The following FBXW11 variants were observed in gnomAD, a reference collection of about 807,000 sequenced individuals.
FBXW11 encodes the protein F-box/WD repeat-containing protein 11.
FBXW11 carries 19 observed loss-of-function variants against 77.6 expected under a neutral mutation model. The ratio of observed to expected loss-of-function variants is 0.24; its 90% CI spans 0.17 to 0.36. FBXW11 has a LOEUF of 0.36. Among genes scored for constraint, FBXW11 ranks in the 10% least tolerant of loss-of-function variants. The pLI, the probability that FBXW11 is intolerant of heterozygous loss-of-function variation, is 1.00. For missense variants in FBXW11, 334 were observed against 704.2 expected (o/e 0.47, Z 5.95); for synonymous variants, 235 against 249.4 (o/e 0.94, Z 0.54).
At chr5:171,937,644 T>G (rs1762543763) in intron 2 of FBXW11, among the ~76,000 whole-genome samples, 1 of 151,892 alleles carries the variant, frequency 6.6e-6, no homozygotes, top group East Asian at 1.9e-4. Flanking sequence ...CTGATCAACA[T>G]GGTGAAACCC....
chr5:171,888,237 T>C (rs1267231817), intron 7 of FBXW11, among the ~76,000 whole-genome samples: 5 of 152,154 alleles, frequency 3.3e-5, no homozygotes, highest in African/African-American at 1.2e-4. Context: ...AAAGTGTCCT[T>C]ATGGGCTGAA....
At position 171,876,572 on chromosome 5, in the gene FBXW11, A is replaced by C. The variant is rs937377142; in HGVS notation, c.972-38T>G. ...AGAAAAGCATGATGCTTAATTATGG[A>C]GACAGCCAGGAAATGATTCTGGTAT... On this transcript the variant is annotated intron_variant, in intron 8 of 13. Coordinates refer to ENST00000517395, the MANE Select transcript of FBXW11 (RefSeq NM_001378974.1). The surrounding 1 kb of genome is among the most constrained non-coding windows in gnomAD (Gnocchi z 4.2). 1.2e-6 allele frequency: 2 copies of C among 1,602,144 alleles called. No individual in the cohort carries two copies. The highest frequency in any genetic ancestry group is 2.7e-5 in the African/African-American group (2 of 74,702).
intron 13 of FBXW11, among the ~76,000 whole-genome samples, chr5:171,867,571 C>T (rs1161666795): frequency 1.3e-5 from 2 of 150,994 alleles, no homozygotes; most frequent in East Asian, 1.9e-4. Context: ...GACAAACTTC[C>T]TGGTGGAGTT....
At chr5:171,999,234 G>C (rs1432651200) in intron 1 of FBXW11, among the ~76,000 whole-genome samples, 1 of 152,058 alleles carries the variant, frequency 6.6e-6, no homozygotes, top group Non-Finnish European at 1.5e-5. Context: ...TGCTAAAACA[G>C]TATACTATGC....
chr5:171,888,329 T>C (rs1254278557), intron 7 of FBXW11, among the ~76,000 whole-genome samples: 1 of 152,210 alleles, frequency 6.6e-6, no homozygotes, highest in African/African-American at 2.4e-5. Context: ...CCTTGAGCTG[T>C]ATATGCGCAG....
At chr5:171,997,240 T>C (rs991327330) in intron 1 of FBXW11, among the ~76,000 whole-genome samples, 2 of 152,174 alleles carry the variant, frequency 1.3e-5, no homozygotes, top group African/African-American at 4.8e-5. Context: ...GTTGAAAGGA[T>C]ACAAAACTCG....
At chr5:171,879,277 G>A (rs1220044410) in intron 7 of FBXW11, among the ~76,000 whole-genome samples, 3 of 152,170 alleles carry the variant, frequency 2.0e-5, no homozygotes, top group South Asian at 2.1e-4. Context: ...GTCTTTTCAT[G>A]GCTTGATATA....
Position 171,954,465 on chromosome 5 carries a change from T to C in FBXW11, c.147+3132A>G, listed in dbSNP as rs542276711. On this transcript the variant is annotated intron_variant, in intron 2 of 13. Transcript: ENST00000517395. Reference sequence around the variant, plus strand: ...AACGTGGAAAATAAATGATACATACTATTATTAACATTGGTATGATTCTCA... The same window carrying C: ...AACGTGGAAAATAAATGATACATACCATTATTAACATTGGTATGATTCTCA... 6.6e-5 allele frequency among the ~76,000 whole-genome samples: 10 copies of C among 152,316 alleles called. No homozygotes were observed. In the South Asian group the frequency reaches 1.9e-3, roughly 28 times the overall value.
intron 1 of FBXW11, among the ~76,000 whole-genome samples, chr5:171,982,670 T>C (rs1765213172): frequency 6.6e-6 from 1 of 152,216 alleles, no homozygotes; most frequent in African/African-American, 2.4e-5. Context: ...AGTTTAGCAG[T>C]GTGGTGTTAT....
chr5:171,894,682 C>T (rs1477746331), intron 6 of FBXW11, among the ~76,000 whole-genome samples: 1 of 121,910 alleles, frequency 8.2e-6, no homozygotes, highest in Non-Finnish European at 1.7e-5. Context: ...TGCTTATAAC[C>T]CAGGTCTTTT....
At chr5:171,928,590 G>A (rs1257373056) in intron 2 of FBXW11, among the ~76,000 whole-genome samples, 1 of 152,098 alleles carries the variant, frequency 6.6e-6, no homozygotes, top group African/African-American at 2.4e-5. Flanking sequence ...GATTGTAATC[G>A]GTGCATTTCA....
chr5:171,990,363 G>GTA (rs1561754653), intron 1 of FBXW11, among the ~76,000 whole-genome samples: 1 of 152,148 alleles, frequency 6.6e-6, no homozygotes, highest in African/African-American at 2.4e-5. Flanking sequence ...GTAATACCAT[G>GTA]AGACTGTCAG....
At chr5:171,981,862 A>G (rs1765164477) in intron 1 of FBXW11, among the ~76,000 whole-genome samples, 3 of 152,274 alleles carry the variant, frequency 2.0e-5, no homozygotes, top group African/African-American at 7.2e-5. Context: ...AGCAATAAAA[A>G]GGAATGAACT....
At chr5:171,974,754 T>C (rs1015276241) in intron 1 of FBXW11, among the ~76,000 whole-genome samples, 3 of 152,194 alleles carry the variant, frequency 2.0e-5, no homozygotes, top group South Asian at 2.1e-4. Context: ...AGAGATATCA[T>C]TGTCAAAAAA....
At chr5:171,924,802 G>C (rs887753474) in intron 2 of FBXW11, among the ~76,000 whole-genome samples, 1 of 143,672 alleles carries the variant, frequency 7.0e-6, no homozygotes, top group Admixed American at 7.3e-5. Flanking sequence ...GCTGCAGAGA[G>C]GAGAGAAGAG....
At chr5:171,995,230 T>G (rs1318844217) in intron 1 of FBXW11, among the ~76,000 whole-genome samples, 1 of 152,224 alleles carries the variant, frequency 6.6e-6, no homozygotes, top group Non-Finnish European at 1.5e-5. Context: ...AATGAACTAC[T>G]GAGCTATTTA....
intron 1 of FBXW11, among the ~76,000 whole-genome samples, chr5:172,001,610 A>G (rs2113617288): frequency 6.6e-6 from 1 of 152,350 alleles, no homozygotes; most frequent in South Asian, 2.1e-4. Flanking sequence ...GAAATATGTT[A>G]AGTGCTACAG....
chr5:171,891,610 GA>G lies in FBXW11; in HGVS notation c.715-7del. On this transcript the variant is annotated splice_polypyrimidine_tract_variant and splice_region_variant and intron_variant, in intron 6 of 13. Coordinates refer to ENST00000517395, the MANE Select transcript of FBXW11 (RefSeq NM_001378974.1). ...CGCCAGTTAGATTCTATAGTCTAGG[GA>G]AAAAAGGAGGCAAGAGATGAGTTTT... 3.1e-6 allele frequency: 5 copies of G among 1,598,268 alleles called. No individual in the cohort carries two copies. Among genetic ancestry groups the G allele is most frequent in the East Asian group, 2.2e-5 (1 of 44,630 alleles).
At chr5:171,878,480 G>GA (rs1437707509) in intron 7 of FBXW11, among the ~76,000 whole-genome samples, 1 of 152,086 alleles carries the variant, frequency 6.6e-6, no homozygotes, top group Non-Finnish European at 1.5e-5. Context: ...TTGGGAGGCC[G>GA]AGACAGAAGG....
Sources: allele counts gnomAD v4.1 joint callset (sites outside exome capture counted in the v4.1 genomes callset), GRCh38; gene constraint gnomAD v4.1.1; non-coding constraint Gnocchi (gnomAD v3.1); transcripts MANE v1.5; gene names NCBI Gene and HGNC (gene_info 2026-07-23, HGNC 2026-07-21).